The following STX18 variants were observed in gnomAD, a reference collection of about 807,000 sequenced individuals.
STX18 encodes syntaxin 18, also known as syntaxin-18.
STX18 carries 40 observed loss-of-function variants against 50.1 expected under a neutral mutation model. The ratio of observed to expected loss-of-function variants is 0.80; its 90% CI spans 0.62 to 1.04. The LOEUF is 1.04. Ranked by LOEUF, STX18 falls within the 50% of genes least tolerant of loss-of-function variation. The pLI is 0.00. For synonymous variants in STX18, 158 were observed against 151.8 expected (o/e 1.04, Z -0.30); for missense variants, 410 against 415.8 (o/e 0.99, Z 0.12).
chr4:4,455,895 T>C (rs1431938912), intron 5 of STX18, among the ~76,000 whole-genome samples: 1 of 152,172 alleles, frequency 6.6e-6, no homozygotes, highest in Non-Finnish European at 1.5e-5. Flanking sequence ...TGACAAATCA[T>C]AGCCAGGAGC....
chr4:4,436,822 G>A (rs920131928), intron 6 of STX18, among the ~76,000 whole-genome samples: 5 of 152,130 alleles, frequency 3.3e-5, no homozygotes, highest in African/African-American at 1.2e-4. Context: ...TGATCCCCAC[G>A]GGTCTTCTTT....
At chr4:4,512,901 C>T (rs959618469) in intron 1 of STX18, among the ~76,000 whole-genome samples, 2 of 152,068 alleles carry the variant, frequency 1.3e-5, no homozygotes, top group Non-Finnish European at 2.9e-5. Context: ...TTTTAACATG[C>T]GACTCTGCCT....
At chr4:4,441,131 G>C (rs942701142) in intron 5 of STX18, among the ~76,000 whole-genome samples, 1 of 152,222 alleles carries the variant, frequency 6.6e-6, no homozygotes, top group African/African-American at 2.4e-5. Flanking sequence ...AAAGACTTTG[G>C]TGGAAGCTTC....
At chr4:4,514,392 A>G (rs1730141669) in intron 1 of STX18, among the ~76,000 whole-genome samples, 2 of 152,230 alleles carry the variant, frequency 1.3e-5, no homozygotes, top group Non-Finnish European at 2.9e-5. Flanking sequence ...AAAAACATTT[A>G]AAGTGAGAAA....
At chr4:4,539,117 C>T (rs549832937) in intron 1 of STX18, among the ~76,000 whole-genome samples, 1 of 152,100 alleles carries the variant, frequency 6.6e-6, no homozygotes, top group Non-Finnish European at 1.5e-5. Context: ...ATAACCTCTA[C>T]AACAATTCAG....
chr4:4,519,904 C>A (rs1052578084), intron 1 of STX18, among the ~76,000 whole-genome samples: 4 of 152,172 alleles, frequency 2.6e-5, no homozygotes, highest in African/African-American at 9.7e-5. Context: ...AGGCATGATA[C>A]TGAAATTAGG....
intron 1 of STX18, among the ~76,000 whole-genome samples, chr4:4,475,229 G>T (rs1224691784): frequency 6.6e-6 from 1 of 152,134 alleles, no homozygotes; most frequent in East Asian, 1.9e-4. Context: ...CTCTGTAATG[G>T]GAAATTTCTA....
intron 1 of STX18, among the ~76,000 whole-genome samples, chr4:4,532,091 GT>G (rs1553852762): frequency 6.6e-6 from 1 of 152,104 alleles, no homozygotes; most frequent in Non-Finnish European, 1.5e-5. Context: ...AAAATACATT[GT>G]TTTCTACAAT....
At chr4:4,459,062 G>GCACACACACACACACACA (rs60704649) in intron 3 of STX18, among the ~76,000 whole-genome samples, 89 of 144,386 alleles carry the variant, frequency 6.2e-4, no homozygotes, top group South Asian at 6.8e-4. Flanking sequence ...ACACACACAC[G>GCACACACACACACACACA]CACACACACA....
rs1358850526 is a variant in STX18, at chr4:4,461,161, A to T, written c.237-1674T>A. Among the ~76,000 whole-genome samples, 10 of 152,246 alleles carry T rather than the reference A, an allele frequency of 6.6e-5. 1 individual carries two copies. The highest frequency in any genetic ancestry group is 6.5e-4 in the Admixed American group (10 of 15,288). On this transcript the variant is annotated intron_variant, in intron 2 of 10. Coordinates refer to ENST00000306200, the MANE Select transcript of STX18 (RefSeq NM_016930.4). ...TTGAAAAGGTCTAAAGGTTAATTTGATAAAACTGATTATTTAATTAAAAGG... is the reference window on the plus strand; with the variant it reads ...TTGAAAAGGTCTAAAGGTTAATTTGTTAAAACTGATTATTTAATTAAAAGG...
rs540952763 is a variant in STX18 at position 4,446,499 on chromosome 4, G to T, written c.498-7990C>A. Among the ~76,000 whole-genome samples, 4 of 152,300 alleles carry T rather than the reference G, an allele frequency of 2.6e-5. No homozygotes were observed. The South Asian group carries it at 8.3e-4, about 32-fold the overall frequency. On this transcript the variant is annotated intron_variant, in intron 5 of 10. Transcript: ENST00000306200. ...TCCTCTAATACAGAAATGAGTAAAAGACTTGAACAGATACTTCACAGGAAG... is the reference window on the plus strand; with the variant it reads ...TCCTCTAATACAGAAATGAGTAAAATACTTGAACAGATACTTCACAGGAAG...
intron 1 of STX18, 108 bp downstream of exon 1, chr4:4,541,689 C>T: frequency 7.7e-7 from 1 of 1,301,946 alleles, no homozygotes; most frequent in Non-Finnish European, 1.0e-6. Context: ...CCCTTAGAGC[C>T]ACCCCCTTCA....
At chr4:4,538,368 A>G (rs1731437452) in intron 1 of STX18, among the ~76,000 whole-genome samples, 1 of 152,208 alleles carries the variant, frequency 6.6e-6, no homozygotes, top group South Asian at 2.1e-4. Context: ...TCACCTTGGC[A>G]AAGAAATGTT....
At chr4:4,450,204 A>G (rs1187977257) in intron 5 of STX18, among the ~76,000 whole-genome samples, 1 of 152,222 alleles carries the variant, frequency 6.6e-6, no homozygotes, top group Non-Finnish European at 1.5e-5. Context: ...TTACTTCTGT[A>G]TTGATCTTTG....
At chr4:4,469,993 T>C (rs887842639) in intron 2 of STX18, among the ~76,000 whole-genome samples, 11 of 152,186 alleles carry the variant, frequency 7.2e-5, no homozygotes, top group Non-Finnish European at 1.6e-4. Flanking sequence ...TTGGTTCTAC[T>C]CTTCCTTTTC....
intron 7 of STX18, among the ~76,000 whole-genome samples, chr4:4,431,147 T>C (rs1725497554): frequency 6.6e-6 from 1 of 152,106 alleles, no homozygotes; most frequent in Non-Finnish European, 1.5e-5. Context: ...ATTCTAGCTA[T>C]TTCCTTTATG....
intron 1 of STX18, among the ~76,000 whole-genome samples, chr4:4,486,831 A>T (rs1488306102): frequency 1.3e-5 from 2 of 152,208 alleles, no homozygotes; most frequent in Non-Finnish European, 2.9e-5. Context: ...AAAAACAAAT[A>T]GTGCAAAATT....
rs141132284 is a variant in STX18, at chr4:4,490,112, C to T, written c.169-18406G>A. Among the ~76,000 whole-genome samples the T allele has an allele frequency of 1.0e-3, 158 of 152,188 alleles. 1 individual carries two copies. In the East Asian group the frequency reaches 0.026, roughly 25 times the overall value. On this transcript the variant is annotated intron_variant, in intron 1 of 10. Transcript: ENST00000306200. ...TAATAAATTTACAATAAAAATGTAACACTAACTGCCCCCCACAAATACATA... is the reference window on the plus strand; with the variant it reads ...TAATAAATTTACAATAAAAATGTAATACTAACTGCCCCCCACAAATACATA...
At chr4:4,534,648 T>C (rs6823561) in intron 1 of STX18, among the ~76,000 whole-genome samples, 4,701 of 152,292 alleles carry the variant, frequency 0.031, 256 homozygotes, top group African/African-American at 0.11. Flanking sequence ...AATACAAACA[T>C]GATCCTTTCG....
Sources: gnomAD v4.1 joint callset for allele counts (sites outside exome capture counted in the v4.1 genomes callset) on GRCh38, gnomAD v4.1.1 for gene constraint, MANE v1.5 for transcripts, NCBI Gene and HGNC (gene_info 2026-07-23, HGNC 2026-07-21) for gene names.